The following EBF1 variants were observed in gnomAD, a reference collection of about 807,000 sequenced individuals.
The protein encoded by EBF1 is transcription factor COE1.
In EBF1, 10 loss-of-function variants were observed where a neutral mutation model predicts 68.4. The observed-to-expected ratio is 0.15, with a 90% CI of 0.09 to 0.25. The LOEUF (loss-of-function observed/expected upper bound fraction) is 0.25, where lower values mean the gene tolerates loss of function less well. Among genes scored for constraint, EBF1 ranks in the 10% least tolerant of loss-of-function variants. The pLI is 1.00. For missense variants in EBF1, 509 were observed against 794.4 expected (o/e 0.64, Z 4.32); for synonymous variants, 298 against 299.8 (o/e 0.99, Z 0.06).
intron 6 of EBF1, among the ~76,000 whole-genome samples, chr5:158,873,764 A>G (rs1797302020): frequency 6.6e-6 from 1 of 152,232 alleles, no homozygotes; most frequent in African/African-American, 2.4e-5. Context: ...CAGGAAAACT[A>G]AAAGAAATTT....
intron 6 of EBF1, among the ~76,000 whole-genome samples, chr5:159,052,465 T>C (rs1271825490): frequency 6.6e-6 from 1 of 152,238 alleles, no homozygotes; most frequent in Non-Finnish European, 1.5e-5. Flanking sequence ...GCTCTGTGGT[T>C]ACAAGGTTTG....
chr5:158,803,156 C>T (rs565411588), intron 8 of EBF1, among the ~76,000 whole-genome samples: 302 of 152,144 alleles, frequency 2.0e-3, no homozygotes, highest in Non-Finnish European at 3.3e-3. Context: ...AAACATAAAA[C>T]CCATGAGCTC....
At chr5:158,826,357 A>G (rs1786114722) in intron 7 of EBF1, among the ~76,000 whole-genome samples, 1 of 152,224 alleles carries the variant, frequency 6.6e-6, no homozygotes, top group Admixed American at 6.5e-5. Context: ...ACGACATTTT[A>G]GATTCCCTTT....
chr5:158,969,039 C>T (rs762918416), intron 6 of EBF1, among the ~76,000 whole-genome samples: 4 of 152,186 alleles, frequency 2.6e-5, no homozygotes, highest in Non-Finnish European at 4.4e-5. Flanking sequence ...CGGTTGCTCA[C>T]GCCTGTAATC....
intron 15 of EBF1, 50 bp from the exon 16 acceptor site, chr5:158,699,192 C>T: frequency 6.5e-7 from 1 of 1,541,632 alleles, no homozygotes; most frequent in Non-Finnish European, 8.8e-7. Context: ...TCAAACTTCT[C>T]ACTGAGAAAA....
At chr5:158,863,920 A>C (rs918475900) in intron 6 of EBF1, among the ~76,000 whole-genome samples, 1 of 152,186 alleles carries the variant, frequency 6.6e-6, no homozygotes, top group African/African-American at 2.4e-5. Context: ...TCACAGAGTT[A>C]CTGAGGGGGT....
At chr5:158,726,724 G>A (rs1269811045) in intron 11 of EBF1, among the ~76,000 whole-genome samples, 1 of 152,192 alleles carries the variant, frequency 6.6e-6, no homozygotes, top group African/African-American at 2.4e-5. Flanking sequence ...AAGGATGGGG[G>A]CCAGGTGTCA....
chr5:159,058,274 A>G (rs548969431), intron 6 of EBF1, among the ~76,000 whole-genome samples: 28 of 152,320 alleles, frequency 1.8e-4, no homozygotes, highest in African/African-American at 6.5e-4. Flanking sequence ...GAGTAAGAAA[A>G]TGTTTTGTTA....
chr5:158,714,050 G>C (rs1017600494), intron 12 of EBF1, 67 bp downstream of exon 12: 1 of 1,524,022 alleles, frequency 6.6e-7, no homozygotes, highest in South Asian at 1.1e-5. Context: ...TTCTCATTAC[G>C]ATGAGGAATC....
Position 158,880,219 on chromosome 5 carries a change from G to GC in EBF1, c.555-40110dup, listed in dbSNP as rs547213773. Among the ~76,000 whole-genome samples, 390 of 152,210 alleles carry GC rather than the reference G, an allele frequency of 2.6e-3. 5 individuals are homozygous for GC. The highest frequency in any genetic ancestry group is 9.1e-3 in the African/African-American group (376 of 41,508). On this transcript the variant is annotated intron_variant, in intron 6 of 15. Coordinates refer to ENST00000313708, the MANE Select transcript of EBF1 (RefSeq NM_024007.5). Reference sequence around the variant, plus strand: ...AGATCCCACAAGTTTCCCACACTCAGCCCCCCGTCTCATGCAGATACTCCA... The same window carrying GC: ...AGATCCCACAAGTTTCCCACACTCAGCCCCCCCGTCTCATGCAGATACTCCA...
In EBF1 at chr5:158,697,717, A is replaced by G. The variant is rs1191635606; in HGVS notation, c.*1394T>C. 1 of 208,252 alleles carries G rather than the reference A, an allele frequency of 4.8e-6. No individual in the cohort carries two copies. Among genetic ancestry groups the G allele is most frequent in the Non-Finnish European group, 9.8e-6 (1 of 102,178 alleles). 12.9% of individuals were successfully genotyped at this position (208,252 alleles called of 1,614,324 possible). A position where few individuals can be genotyped will look rare whatever the true frequency, so the allele number is the denominator to read the frequency against. On this transcript the variant is annotated 3_prime_UTR_variant, in exon 16 of 16. Coordinates refer to ENST00000313708, the MANE Select transcript of EBF1 (RefSeq NM_024007.5). ...TATTGAAAAAATGTCTTAAGACATT[A>G]AAATGTATAAATAGAACAACAACTT...
At chr5:158,893,901 T>C (rs1295885544) in intron 6 of EBF1, among the ~76,000 whole-genome samples, 1 of 152,170 alleles carries the variant, frequency 6.6e-6, no homozygotes, top group Non-Finnish European at 1.5e-5. Context: ...TCAAAATGGT[T>C]CTTGTGTTCC....
chr5:158,824,250 G>A (rs1007402376), intron 7 of EBF1, among the ~76,000 whole-genome samples: 10 of 152,254 alleles, frequency 6.6e-5, no homozygotes, highest in Non-Finnish European at 1.3e-4. Flanking sequence ...GCCCGCTCCC[G>A]TTTAATCCAC....
intron 4 of EBF1, among the ~76,000 whole-genome samples, chr5:159,087,671 A>C (rs1780959627): frequency 6.6e-6 from 1 of 152,124 alleles, no homozygotes; most frequent in South Asian, 2.1e-4. Context: ...TGGTTTTCCC[A>C]AACAGCAGAT....
At chr5:158,988,230 G>A (rs1759516088) in intron 6 of EBF1, among the ~76,000 whole-genome samples, 1 of 152,062 alleles carries the variant, frequency 6.6e-6, no homozygotes, top group African/African-American at 2.4e-5. Flanking sequence ...CCTGCCCAGT[G>A]CCCCCCCTTC....
intron 10 of EBF1, among the ~76,000 whole-genome samples, chr5:158,765,490 G>A (rs980155870): frequency 5.3e-5 from 8 of 152,152 alleles, no homozygotes; most frequent in Admixed American, 1.3e-4. Context: ...ATAATGACTG[G>A]GAGTTGGTGC....
chr5:158,847,737 G>C (rs13175305), intron 6 of EBF1, among the ~76,000 whole-genome samples: 1 of 152,090 alleles, frequency 6.6e-6, no homozygotes, highest in Non-Finnish European at 1.5e-5. Flanking sequence ...ACAAAACCAA[G>C]TGTCCGTCTG....
At chr5:159,017,111 T>C (rs1765751325) in intron 6 of EBF1, among the ~76,000 whole-genome samples, 1 of 144,612 alleles carries the variant, frequency 6.9e-6, no homozygotes, top group Admixed American at 7.0e-5. Context: ...GCAATATTAA[T>C]GATTATTGAT....
At chr5:159,006,149 A>G (rs1763494402) in intron 6 of EBF1, among the ~76,000 whole-genome samples, 1 of 152,230 alleles carries the variant, frequency 6.6e-6, no homozygotes, top group South Asian at 2.1e-4. Context: ...TCTGCCACTT[A>G]AAACGCAGAC....
Sources: gnomAD v4.1 joint callset for allele counts (sites outside exome capture counted in the v4.1 genomes callset) on GRCh38, gnomAD v4.1.1 for gene constraint, MANE v1.5 for transcripts, NCBI Gene and HGNC (gene_info 2026-07-23, HGNC 2026-07-21) for gene names.